PACS1: variants seen among roughly 807,000 people sequenced by gnomAD.
PACS1 encodes phosphofurin acidic cluster sorting protein 1.
A neutral mutation model predicts 115.0 loss-of-function variants in PACS1; 24 were observed. That is an observed-to-expected ratio of 0.21 (90% confidence interval 0.15 to 0.29). The LOEUF is 0.29. Among genes scored for constraint, PACS1 ranks in the 10% least tolerant of loss-of-function variants. PACS1 has a pLI of 1.00. For missense variants in PACS1, 838 were observed against 1,251.2 expected (o/e 0.67, Z 4.98); for synonymous variants, 453 against 504.5 (o/e 0.90, Z 1.37).
intron 1 of PACS1, among the ~76,000 whole-genome samples, chr11:66,093,307 C>T (rs1262626365): frequency 2.6e-5 from 4 of 151,630 alleles, no homozygotes; most frequent in South Asian, 2.1e-4. Flanking sequence ...ACCCATCTCA[C>T]GTGCAGAGAC....
chr11:66,232,115 T>C (rs1334288323), intron 13 of PACS1, 57 bp from the exon 14 acceptor site: 1 of 1,106,392 alleles, frequency 9.0e-7, no homozygotes, highest in Non-Finnish European at 1.4e-6. Context: ...CCAGCAGCCC[T>C]GTCCTCAGGC....
intron 1 of PACS1, among the ~76,000 whole-genome samples, chr11:66,181,226 T>C (rs1174959835): frequency 6.6e-6 from 1 of 151,830 alleles, no homozygotes; most frequent in Non-Finnish European, 1.5e-5. Flanking sequence ...TTTTTATTTT[T>C]TTTGAGATAG....
In PACS1 at chr11:66,243,566, T is replaced by G. The variant is rs1285064684; in HGVS notation, c.*286T>G. On this transcript the variant is annotated 3_prime_UTR_variant, in exon 24 of 24. Coordinates refer to ENST00000320580, the MANE Select transcript of PACS1 (RefSeq NM_018026.4). The stretch of plus-strand genomic sequence containing the variant: ...TTCTGGTGCCCATAGTCCCCTGGAC[T>G]GAGTCCCCCAGGCCTTCCTTCACCC... 1 of 403,090 alleles carries G rather than the reference T, an allele frequency of 2.5e-6. No individual in the cohort carries two copies. Among genetic ancestry groups the G allele is most frequent in the African/African-American group, 2.0e-5 (1 of 49,536 alleles). The allele number at this position is 403,090 out of a possible 1,614,324, so 25.0% of individuals were successfully genotyped here.
chr11:66,234,673 T>C (rs1855671195), intron 17 of PACS1, among the ~76,000 whole-genome samples: 1 of 150,820 alleles, frequency 6.6e-6, no homozygotes, highest in Admixed American at 6.6e-5. Flanking sequence ...AACCCAGGAG[T>C]TCAAGACCAG....
intron 1 of PACS1, among the ~76,000 whole-genome samples, chr11:66,140,447 C>G (rs904881436): frequency 5.3e-5 from 8 of 152,146 alleles, no homozygotes; most frequent in South Asian, 2.1e-4. Flanking sequence ...GATTCCCAAC[C>G]GTGGACCTCC....
intron 21 of PACS1, 148 bp downstream of exon 21, chr11:66,239,425 CAGG>C: frequency 1.1e-6 from 1 of 952,008 alleles, no homozygotes; most frequent in Non-Finnish European, 1.5e-6. Context: ...CAGGCTGAGG[CAGG>C]AGGATTGCTT....
rs557421931 is a variant in PACS1 at position 66,214,898 on chromosome 11, A to G, written c.661-1221A>G. Among the ~76,000 whole-genome samples the G allele has an allele frequency of 2.0e-4, 30 of 152,124 alleles. 1 individual carries two copies. Among genetic ancestry groups the G allele is most frequent in the African/African-American group, 5.3e-4 (22 of 41,490 alleles). On this transcript the variant is annotated intron_variant, in intron 4 of 23. Coordinates refer to ENST00000320580, the MANE Select transcript of PACS1 (RefSeq NM_018026.4). Reference sequence around the variant, plus strand: ...CAGCCTCCCAAAGTGCTGGGATTGCAGGAACAGGCTACTGTGCCCGGCCAA... The same window carrying G: ...CAGCCTCCCAAAGTGCTGGGATTGCGGGAACAGGCTACTGTGCCCGGCCAA...
At chr11:66,189,558 G>T (rs571958958) in intron 1 of PACS1, among the ~76,000 whole-genome samples, 3 of 152,154 alleles carry the variant, frequency 2.0e-5, no homozygotes, top group African/African-American at 7.2e-5. Context: ...TTCCCGCTGC[G>T]CTGTGTAGCC....
chr11:66,146,653 C>T, intron 1 of PACS1, among the ~76,000 whole-genome samples: 1 of 152,154 alleles, frequency 6.6e-6, no homozygotes, highest in East Asian at 1.9e-4. Context: ...CCAGAAACTT[C>T]CTACATTTGA....
chr11:66,116,582 C>G (rs1204616696), intron 1 of PACS1, among the ~76,000 whole-genome samples: 1 of 152,190 alleles, frequency 6.6e-6, no homozygotes, highest in Non-Finnish European at 1.5e-5. Flanking sequence ...AATAGATGAA[C>G]ATCTCTGCCT....
chr11:66,184,216 G>A (rs1161618820), intron 1 of PACS1, among the ~76,000 whole-genome samples: 1 of 151,016 alleles, frequency 6.6e-6, no homozygotes, highest in Non-Finnish European at 1.5e-5. Flanking sequence ...GGGAGGCTGA[G>A]GCAGGAGAAT....
intron 4 of PACS1, among the ~76,000 whole-genome samples, chr11:66,213,600 TAC>T (rs1855129471): frequency 6.6e-6 from 1 of 152,260 alleles, no homozygotes. Flanking sequence ...TGCTCGTGTC[TAC>T]ACACGTCACA....
chr11:66,174,194 A>G (rs1299823146), intron 1 of PACS1, among the ~76,000 whole-genome samples: 1 of 152,242 alleles, frequency 6.6e-6, no homozygotes, highest in Admixed American at 6.5e-5. Context: ...ACCACATTAA[A>G]TAAAATAACA....
Position 66,238,862 on chromosome 11 carries a change from C to T in PACS1, c.2293+16C>T, listed in dbSNP as rs771632022. 1 of 1,569,464 alleles carries T rather than the reference C, an allele frequency of 6.4e-7. No individual in the cohort carries two copies. The highest frequency in any genetic ancestry group is 8.7e-7 in the Non-Finnish European group (1 of 1,155,350). On this transcript the variant is annotated intron_variant, in intron 20 of 23. Transcript: ENST00000320580. ...TCCACAGCAGGTGAGGCTGGGGCTC[C>T]CTTGTTCTGTGGAGTGAGGCTGGTG...
At chr11:66,119,149 A>G (rs1340174033) in intron 1 of PACS1, among the ~76,000 whole-genome samples, 1 of 152,124 alleles carries the variant, frequency 6.6e-6, no homozygotes, top group Non-Finnish European at 1.5e-5. Context: ...TAGCGTTAAT[A>G]CTTCTTTGGT....
intron 1 of PACS1, among the ~76,000 whole-genome samples, chr11:66,135,566 C>T (rs946303350): frequency 2.6e-5 from 4 of 151,970 alleles, no homozygotes; most frequent in African/African-American, 9.7e-5. Context: ...GAAAACATGC[C>T]AGCACTGTCA....
At chr11:66,227,045 C>T (rs1160645350) in intron 10 of PACS1, among the ~76,000 whole-genome samples, 1 of 152,100 alleles carries the variant, frequency 6.6e-6, no homozygotes, top group Non-Finnish European at 1.5e-5. Flanking sequence ...GATGTTCCCA[C>T]CAAGCAAAAA....
chr11:66,243,022 ATGC>A lies in PACS1; in HGVS notation c.2770_2772del (p.Leu924del). ...CTGCTCAGCCAAGCAGCAGCAGACT[ATGC>A]TGAGAGGTGCGAGGGCAGGCAGGGC... On this transcript the variant is annotated inframe_deletion, in exon 23 of 24. Coordinates refer to ENST00000320580, the MANE Select transcript of PACS1 (RefSeq NM_018026.4). 1 of 1,613,898 alleles carries A rather than the reference ATGC, an allele frequency of 6.2e-7. No homozygotes were observed. Among genetic ancestry groups the A allele is most frequent in the Non-Finnish European group, 8.5e-7 (1 of 1,179,914 alleles).
rs531172441 is a variant in PACS1 at position 66,230,095 on chromosome 11, C to T, written c.1375-453C>T. On this transcript the variant is annotated intron_variant, in intron 11 of 23. Transcript: ENST00000320580. The stretch of plus-strand genomic sequence containing the variant: ...ATGAGGAAGGAAGGGAGAATCTCAA[C>T]GGAGATGCAGGTGGCTTTGGCCAAG... Among the ~76,000 whole-genome samples the T allele has an allele frequency of 1.1e-4, 14 of 130,786 alleles. No individual in the cohort carries two copies. The South Asian group carries it at 1.8e-3, about 17-fold the overall frequency. 85.8% of individuals were successfully genotyped at this position (130,786 alleles called of 152,430 possible). A position where few individuals can be genotyped will look rare whatever the true frequency, so the allele number is the denominator to read the frequency against.
Sources: gnomAD v4.1 joint callset for allele counts (sites outside exome capture counted in the v4.1 genomes callset) on GRCh38, gnomAD v4.1.1 for gene constraint, MANE v1.5 for transcripts, NCBI Gene and HGNC (gene_info 2026-07-23, HGNC 2026-07-21) for gene names.